Variants in OC90 observed in about 807,000 individuals in gnomAD.
OC90 encodes the protein otoconin-90.
A neutral mutation model predicts 47.3 loss-of-function variants in OC90; 46 were observed. The ratio of observed to expected loss-of-function variants is 0.97; its 90% CI spans 0.77 to 1.24. The LOEUF (loss-of-function observed/expected upper bound fraction) is 1.24, where lower values mean the gene tolerates loss of function less well. Among genes scored for constraint, OC90 ranks in the 50% most tolerant of loss-of-function variants. The probability of loss-of-function intolerance (pLI) is 0.00; values close to 1 mark genes in which losing one functional copy is unlikely to be tolerated. For synonymous variants in OC90, 271 were observed against 219.5 expected (o/e 1.23, Z -2.07); for missense variants, 688 against 583.9 (o/e 1.18, Z -1.84).
intron 4 of OC90, among the ~76,000 whole-genome samples, chr8:132,043,482 T>C (rs968608518): frequency 6.6e-6 from 1 of 152,220 alleles, no homozygotes; most frequent in Admixed American, 6.5e-5. Flanking sequence ...AGTTTCCAAC[T>C]CTAAATCTCG....
At position 132,044,415 on chromosome 8, in the gene OC90, ATT is replaced by A; in HGVS notation, c.169+16_169+17del. On this transcript the variant is annotated intron_variant, in intron 4 of 13. Coordinates refer to ENST00000254627, the MANE Select transcript of OC90 (RefSeq NM_001080399.3). Reference sequence around the variant, plus strand: ...CTCTGACCTCTGGTGGATAAAAGCAATTTTAGACTTAACTTACCAAAAATTTC... The same window carrying A: ...CTCTGACCTCTGGTGGATAAAAGCAATTAGACTTAACTTACCAAAAATTTC... 1.4e-6 allele frequency: 2 copies of A among 1,456,974 alleles called. No homozygotes were observed. The highest frequency in any genetic ancestry group is 1.9e-6 in the Non-Finnish European group (2 of 1,056,908). The allele number at this position is 1,456,974 out of a possible 1,614,324, so 90.3% of individuals were successfully genotyped here. A position where few individuals can be genotyped will look rare whatever the true frequency, so the allele number is the denominator to read the frequency against.
chr8:132,033,211 G>T (rs753192740), intron 10 of OC90, 47 bp from the exon 11 acceptor site: 8 of 1,582,216 alleles, frequency 5.1e-6, no homozygotes, highest in Non-Finnish European at 6.9e-6. Context: ...GTGGCTCAAG[G>T]AGAGATTTGC....
At chr8:132,048,126 TC>T (rs1347617516) in intron 2 of OC90, among the ~76,000 whole-genome samples, 8 of 152,216 alleles carry the variant, frequency 5.3e-5, no homozygotes, top group African/African-American at 1.9e-4. Context: ...TCTGAGACTT[TC>T]CTGACTCCAA....
chr8:132,028,722 AAG>A (rs201305840), intron 13 of OC90, among the ~76,000 whole-genome samples: 3,434 of 145,456 alleles, frequency 0.024, 80 homozygotes, highest in Non-Finnish European at 0.039. Context: ...GAAAGAAAGA[AAG>A]AGAAAGAAAG....
chr8:132,035,084 G>C (rs1822937672), intron 9 of OC90, among the ~76,000 whole-genome samples: 2 of 152,248 alleles, frequency 1.3e-5, no homozygotes, highest in African/African-American at 2.4e-5. Context: ...AAGCAAGTGA[G>C]TTAGTGCAAA....
chr8:132,041,990 T>A (rs1823060922), intron 4 of OC90, among the ~76,000 whole-genome samples: 1 of 152,168 alleles, frequency 6.6e-6, no homozygotes, highest in Admixed American at 6.5e-5. Context: ...GTCATGGTAA[T>A]CCCATGTTAC....
intron 10 of OC90, 41 bp downstream of exon 10, chr8:132,034,740 A>C: frequency 7.0e-7 from 1 of 1,421,742 alleles, no homozygotes. Context: ...AAGGACATAA[A>C]TGTGTCATGA....
At chr8:132,039,897 C>T (rs1206039130) in intron 6 of OC90, among the ~76,000 whole-genome samples, 1 of 152,186 alleles carries the variant, frequency 6.6e-6, no homozygotes, top group Non-Finnish European at 1.5e-5. Context: ...CCCCCTTTCC[C>T]TCCACAGGCC....
chr8:132,043,511 C>G (rs571439288), intron 4 of OC90, among the ~76,000 whole-genome samples: 27 of 152,362 alleles, frequency 1.8e-4, no homozygotes, highest in African/African-American at 6.0e-4. Context: ...TCCCCATTCT[C>G]TACCTTTCTG....
rs778576631 is a variant in OC90 at position 132,039,097 on chromosome 8, G to T, written c.484C>A (p.Leu162Met). The T allele has an allele frequency of 2.6e-5, 42 of 1,611,974 alleles. No individual in the cohort carries two copies. The highest frequency in any genetic ancestry group is 2.4e-5 in the Non-Finnish European group (28 of 1,179,110). ...CESKDNCEHL[L>M]CTCDKAAIEC... ...ATGGCAGCCTTATCACAGGTACACA[G>T]CAGGTGCTCACAGTTGTCCTTGGAC... Residue 162 changes from leucine (L) to methionine (M), a missense_variant, in exon 7 of 14, where the codon CTG (leucine) becomes ATG (methionine). By Grantham distance (15) the Leu-to-Met change is conservative (BLOSUM62 2). Coordinates refer to ENST00000254627, the MANE Select transcript of OC90 (RefSeq NM_001080399.3).
chr8:132,030,650 C>T (rs536125796), intron 12 of OC90, among the ~76,000 whole-genome samples: 5 of 152,212 alleles, frequency 3.3e-5, no homozygotes, highest in Non-Finnish European at 5.9e-5. Flanking sequence ...AGAATGTAAA[C>T]ATGCTTATGA....
chr8:132,053,490 C>T (rs556740687), intron 2 of OC90, among the ~76,000 whole-genome samples: 1 of 152,308 alleles, frequency 6.6e-6, no homozygotes, highest in South Asian at 2.1e-4. Flanking sequence ...GTCTCACAAA[C>T]TTGAAGCAAA....
At chr8:132,048,821 A>C (rs1203689506) in intron 2 of OC90, among the ~76,000 whole-genome samples, 2 of 151,558 alleles carry the variant, frequency 1.3e-5, no homozygotes. Flanking sequence ...TGTTTGGCCA[A>C]CTTCGTCACA....
chr8:132,055,915 C>G (rs955551218), intron 1 of OC90, among the ~76,000 whole-genome samples: 1 of 152,102 alleles, frequency 6.6e-6, no homozygotes, highest in Non-Finnish European at 1.5e-5. Flanking sequence ...GGGTGGGAGG[C>G]GCAGGGAAAA....
intron 12 of OC90, among the ~76,000 whole-genome samples, chr8:132,031,528 G>T (rs1323463771): frequency 6.6e-6 from 1 of 152,210 alleles, no homozygotes; most frequent in Non-Finnish European, 1.5e-5. Flanking sequence ...TGCAAATTAG[G>T]TGGACTTGGG....
At chr8:132,052,451 T>A (rs1450765746) in intron 2 of OC90, among the ~76,000 whole-genome samples, 1 of 152,214 alleles carries the variant, frequency 6.6e-6, no homozygotes, top group African/African-American at 2.4e-5. Flanking sequence ...TATTCCTTTG[T>A]GCAACTGATA....
At position 132,048,541 on chromosome 8, in the gene OC90, C is replaced by G. The variant is rs560532487; in HGVS notation, c.47-2658G>C. Among the ~76,000 whole-genome samples, 124 of 151,514 alleles carry G rather than the reference C, an allele frequency of 8.2e-4. 6 individuals carry two copies. The highest frequency in any genetic ancestry group is 2.9e-3 in the African/African-American group (120 of 40,836). On this transcript the variant is annotated intron_variant, in intron 2 of 13. Transcript: ENST00000254627. ...TTCCCATTTTTCCTGACTGAAAAAC[C>G]CTTGTCCTCTAATGACTCTATGCAA...
intron 9 of OC90, chr8:132,036,436 C>A (rs777595755): frequency 6.4e-6 from 5 of 780,460 alleles, no homozygotes; most frequent in Non-Finnish European, 9.6e-6. Flanking sequence ...CAGAAATCAC[C>A]CGATTTTAAT....
chr8:132,033,012 G>A, intron 11 of OC90, 27 bp downstream of exon 11: 1 of 1,602,130 alleles, frequency 6.2e-7, no homozygotes, highest in South Asian at 1.1e-5. Context: ...CCCAGCAGCG[G>A]AGAGGACAGA....
Sources: allele counts gnomAD v4.1 joint callset (sites outside exome capture counted in the v4.1 genomes callset), GRCh38; gene constraint gnomAD v4.1.1; transcripts MANE v1.5; gene names NCBI Gene and HGNC (gene_info 2026-07-23, HGNC 2026-07-21).